The following NCOA7 variants were observed in gnomAD, a reference collection of about 807,000 sequenced individuals.
NCOA7 encodes nuclear receptor coactivator 7.
Under a neutral mutation model 104.3 loss-of-function variants are expected in NCOA7, and 45 were observed. The observed-to-expected ratio is 0.43, with a 90% CI of 0.34 to 0.55. The LOEUF (loss-of-function observed/expected upper bound fraction) is 0.55, where lower values mean the gene tolerates loss of function less well. NCOA7 is among the 20% of genes least tolerant of loss of function. The pLI is 0.02. For synonymous variants in NCOA7, 398 were observed against 402.3 expected, an observed-to-expected ratio of 0.99 and a Z score of 0.13; for missense variants, 1,041 against 1,119.7, an observed-to-expected ratio of 0.93 and a Z score of 1.00.
At chr6:125,883,782 C>T (rs1407830130) in intron 7 of NCOA7, among the ~76,000 whole-genome samples, 7 of 141,754 alleles carry the variant, frequency 4.9e-5, no homozygotes, top group Non-Finnish European at 7.5e-5. Flanking sequence ...TGCAATGGTG[C>T]GATCTCTGCT....
intron 12 of NCOA7, 49 bp downstream of exon 12, chr6:125,921,117 A>T (rs1348210544): frequency 6.3e-7 from 1 of 1,592,450 alleles, no homozygotes; most frequent in Admixed American, 1.7e-5. Context: ...GCTTTAAGAA[A>T]TATTTCCCTT....
intron 8 of NCOA7, among the ~76,000 whole-genome samples, chr6:125,887,080 G>A: frequency 6.6e-6 from 1 of 152,232 alleles, no homozygotes; most frequent in East Asian, 1.9e-4. Context: ...AGAAAAAGCA[G>A]ATGGTGAAAT....
Position 125,855,069 on chromosome 6 carries a change from G to C in NCOA7, c.100G>C (p.Val34Leu), listed in dbSNP as rs781288780. The C allele has an allele frequency of 6.2e-7, 1 of 1,612,872 alleles. No individual in the cohort carries two copies. The change falls in exon 3 of 16, where the codon GTA becomes CTA. Residue 34 changes from valine to leucine, a missense_variant. Transcript: ENST00000392477. ...ACAAAATGCAGAGACAGCCTCAGCT[G>C]TAGCTACAAGGACTCATACTGGGAA... is the stretch of plus-strand genomic sequence containing the variant. ...AKQNAETASAVATRTHTGKED... is the reference protein window; with the variant it reads ...AKQNAETASALATRTHTGKED...
intron 10 of NCOA7, among the ~76,000 whole-genome samples, chr6:125,897,000 T>C (rs990487717): frequency 2.0e-4 from 30 of 152,260 alleles, no homozygotes; most frequent in African/African-American, 6.5e-4. Context: ...GATTCTGTTT[T>C]AGAAAGCATG....
At chr6:125,859,935 C>T (rs1413534929) in intron 3 of NCOA7, among the ~76,000 whole-genome samples, 1 of 152,122 alleles carries the variant, frequency 6.6e-6, no homozygotes, top group Non-Finnish European at 1.5e-5. Flanking sequence ...TGCCTCATAA[C>T]AACATGGTGC....
Position 125,888,948 on chromosome 6 carries a change from T to G in NCOA7, c.894T>G (p.Pro298=). 6.2e-7 allele frequency: 1 copy of G among 1,600,644 alleles called. No individual in the cohort carries two copies. The highest frequency in any genetic ancestry group is 8.5e-7 in the Non-Finnish European group (1 of 1,172,468). Reference sequence around the variant, plus strand: ...ATTTCTCCCCCAACAGTGACCTACCTCAGGATCTTTGTCCTCTGTACAGGC... The same window carrying G: ...ATTTCTCCCCCAACAGTGACCTACCGCAGGATCTTTGTCCTCTGTACAGGC... The part of the protein sequence containing the change: ...KIKDALPSDL[P]QDLCPLYRPG... The change falls in exon 9 of 16, where the codon CCT becomes CCG. Residue 298 remains proline, a synonymous_variant. Transcript: ENST00000392477.
intron 10 of NCOA7, among the ~76,000 whole-genome samples, chr6:125,901,535 C>T (rs1348440840): frequency 7.2e-5 from 11 of 152,202 alleles, no homozygotes; most frequent in Admixed American, 7.2e-4. Flanking sequence ...TGAGTGGGTA[C>T]AGGAGCTGGG....
At chr6:125,830,634 G>A (rs1779085003) in intron 2 of NCOA7, among the ~76,000 whole-genome samples, 1 of 152,004 alleles carries the variant, frequency 6.6e-6, no homozygotes, top group Admixed American at 6.6e-5. Context: ...TTGAGCCTGA[G>A]AAGTCAAGGC....
upstream of NCOA7, among the ~76,000 whole-genome samples, chr6:125,788,568 G>A (rs1471002164): frequency 2.8e-5 from 4 of 143,810 alleles, no homozygotes; most frequent in African/African-American, 8.0e-5. Flanking sequence ...ATGGAGTTTC[G>A]CTCTGTCACC....
At chr6:125,830,836 T>C (rs1162932211) in intron 2 of NCOA7, among the ~76,000 whole-genome samples, 1 of 151,848 alleles carries the variant, frequency 6.6e-6, no homozygotes, top group African/African-American at 2.4e-5. Flanking sequence ...CATTTCATTA[T>C]TTTGTTGACA....
chr6:125,923,074 T>G (rs539168667), intron 13 of NCOA7, among the ~76,000 whole-genome samples: 5 of 152,302 alleles, frequency 3.3e-5, no homozygotes, highest in African/African-American at 9.6e-5. Flanking sequence ...GGATCATACT[T>G]CCAAATACAG....
At chr6:125,808,492 A>G (rs1412799208) in intron 1 of NCOA7, among the ~76,000 whole-genome samples, 1 of 152,144 alleles carries the variant, frequency 6.6e-6, no homozygotes, top group East Asian at 1.9e-4. Flanking sequence ...TTGGTCCGTG[A>G]TAGATGTTTC....
intron 3 of NCOA7, among the ~76,000 whole-genome samples, chr6:125,864,594 A>G (rs1782295863): frequency 7.4e-6 from 1 of 135,638 alleles, no homozygotes; most frequent in Non-Finnish European, 1.6e-5. Context: ...TAATGAGGCC[A>G]TATGGGTGGC....
intron 2 of NCOA7, among the ~76,000 whole-genome samples, chr6:125,839,451 CCTCCCCTCTTGAGAAG>C (rs1779924615): frequency 2.0e-5 from 3 of 151,096 alleles, no homozygotes; most frequent in African/African-American, 7.4e-5. Context: ...TCTGCTGTCC[CCTCCCCTCTTGAGAAG>C]TGGACTGTCG....
intron 10 of NCOA7, among the ~76,000 whole-genome samples, chr6:125,909,967 A>C (rs1160809096): frequency 6.6e-6 from 1 of 152,180 alleles, no homozygotes; most frequent in Non-Finnish European, 1.5e-5. Context: ...GAAGGAAGGA[A>C]GACTGGAGAG....
Position 125,889,126 on chromosome 6 carries a change from A to G in NCOA7, c.1072A>G (p.Thr358Ala). The G allele has an allele frequency of 6.2e-7, 1 of 1,614,170 alleles. No individual in the cohort carries two copies. The highest frequency in any genetic ancestry group is 1.7e-4 in the Middle Eastern group (1 of 6,060). The change falls in exon 9 of 16, where the codon ACA becomes GCA. Residue 358 changes from threonine (T) to alanine (A), a missense_variant. Transcript: ENST00000392477. Reference protein sequence around the residue: ...IVPLEKSTGHTPTKPSGSSVS... With the variant: ...IVPLEKSTGHAPTKPSGSSVS... ...ACCTTTGGAGAAGTCCACAGGACATACACCTACAAAGCCCTCAGGCAGCTC... is the reference window on the plus strand; with the variant it reads ...ACCTTTGGAGAAGTCCACAGGACATGCACCTACAAAGCCCTCAGGCAGCTC...
intron 2 of NCOA7, among the ~76,000 whole-genome samples, chr6:125,830,297 C>T (rs1054100368): frequency 6.6e-6 from 1 of 152,184 alleles, no homozygotes; most frequent in Non-Finnish European, 1.5e-5. Context: ...CATCCCTGAA[C>T]CTTTTCCAGG....
intron 1 of NCOA7, among the ~76,000 whole-genome samples, chr6:125,813,098 G>T (rs2128568314): frequency 6.6e-6 from 1 of 152,280 alleles, no homozygotes; most frequent in South Asian, 2.1e-4. Context: ...ACTCCCTCAT[G>T]GAGAACCCTC....
intron 2 of NCOA7, among the ~76,000 whole-genome samples, chr6:125,840,083 C>T (rs977370557): frequency 1.3e-5 from 2 of 151,884 alleles, no homozygotes; most frequent in Non-Finnish European, 2.9e-5. Flanking sequence ...CTGAGAACTT[C>T]CAGTGGGACA....
Sources: gnomAD v4.1 joint callset for allele counts (sites outside exome capture counted in the v4.1 genomes callset) on GRCh38, gnomAD v4.1.1 for gene constraint, MANE v1.5 for transcripts, NCBI Gene and HGNC (gene_info 2026-07-23, HGNC 2026-07-21) for gene names.